Variants in MTHFD1 observed in about 807,000 individuals in gnomAD.
MTHFD1 encodes the protein C-1-tetrahydrofolate synthase, cytoplasmic.
A neutral mutation model predicts 110.3 loss-of-function variants in MTHFD1; 44 were observed. That is an observed-to-expected ratio of 0.40 (90% CI 0.31 to 0.51). The LOEUF (loss-of-function observed/expected upper bound fraction) is 0.51. Ranked by LOEUF, MTHFD1 falls within the 20% of genes least tolerant of loss-of-function variation. MTHFD1 has a pLI of 0.60. For missense variants in MTHFD1, 909 were observed against 1,173.1 expected, an observed-to-expected ratio of 0.77 and a Z score of 3.29; for synonymous variants, 402 against 428.8, an observed-to-expected ratio of 0.94 and a Z score of 0.77.
intron 26 of MTHFD1, among the ~76,000 whole-genome samples, chr14:64,457,122 A>G (rs1255799627): frequency 6.6e-6 from 1 of 152,256 alleles, no homozygotes; most frequent in Non-Finnish European, 1.5e-5. Flanking sequence ...AATGGTGATT[A>G]TAAAACCATC....
At chr14:64,413,683 A>T (rs560734660) in intron 4 of MTHFD1, among the ~76,000 whole-genome samples, 1 of 152,320 alleles carries the variant, frequency 6.6e-6, no homozygotes, top group African/African-American at 2.4e-5. Context: ...AGTAGCTGCT[A>T]TTGTATTGTA....
chr14:64,449,496 T>C lies in MTHFD1; in HGVS notation c.2331T>C (p.His777=), dbSNP rs1429898732. ...TCATCAGCCGCCTTTCCAGAGAACA[T>C]GGGGCTTTTGATGCCGTGAAGTGCA... is the stretch of plus-strand genomic sequence containing the variant. ...LDLISRLSRE[H]GAFDAVKCTH... Residue 777 remains histidine, a synonymous_variant, in exon 24 of 28, where the codon CAT becomes CAC. Transcript: ENST00000652337. 1.9e-6 allele frequency: 3 copies of C among 1,613,992 alleles called. No homozygotes were observed. The African/African-American group carries it at 4.0e-5, about 22-fold the overall frequency.
intron 8 of MTHFD1, among the ~76,000 whole-genome samples, chr14:64,421,978 A>AT (rs902548318): frequency 0.012 from 1,859 of 148,870 alleles, 38 homozygotes; most frequent in African/African-American, 0.042. Flanking sequence ...TGCTTTTGGC[A>AT]TTTTTTTTTT....
Position 64,454,824 on chromosome 14 carries a change from C to T in MTHFD1, c.2667C>T (p.Arg889=), listed in dbSNP as rs763646367. ...CTACAGGCTTCATTCTGCCCATTCG[C>T]GACATCCGCGCCAGCGTTGGGGCTG... The part of the protein sequence containing the change: ...GVPTGFILPI[R]DIRASVGAGF... The change falls in exon 26 of 28, where the codon CGC becomes CGT. Residue 889 remains arginine (R), a synonymous_variant. Coordinates refer to ENST00000652337, the MANE Select transcript of MTHFD1 (RefSeq NM_005956.4). The T allele has an allele frequency of 9.3e-6, 15 of 1,614,058 alleles. No homozygotes were observed. The highest frequency in any genetic ancestry group is 1.6e-4 in the Middle Eastern group (1 of 6,084).
At chr14:64,408,285 CTTTTTTT>C (rs1555336630) in intron 2 of MTHFD1, among the ~76,000 whole-genome samples, 1 of 121,208 alleles carries the variant, frequency 8.3e-6, no homozygotes, top group African/African-American at 3.3e-5. Flanking sequence ...AATCAGCATT[CTTTTTTT>C]TTTTTTTTTT....
At position 64,458,280 on chromosome 14, in the gene MTHFD1, G is replaced by C; in HGVS notation, c.2785G>C (p.Glu929Gln). Residue 929 changes from glutamate (E) to glutamine (Q), a missense_variant, in exon 27 of 28, where the codon GAA (glutamate) becomes CAA (glutamine). By Grantham distance (29) the Glu-to-Gln change is conservative (BLOSUM62 2). Coordinates refer to ENST00000652337, the MANE Select transcript of MTHFD1 (RefSeq NM_005956.4). Reference sequence around the variant, plus strand: ...TGATATTGATTTGGACCCTGAAACAGAACAGGTGAATGGATTATTCTAAAC... The same window carrying C: ...TGATATTGATTTGGACCCTGAAACACAACAGGTGAATGGATTATTCTAAAC... Reference protein sequence around the residue: ...FYDIDLDPETEQVNGLF With the variant: ...FYDIDLDPETQQVNGLF 12 of 1,613,526 alleles carry C rather than the reference G, an allele frequency of 7.4e-6. No individual in the cohort carries two copies. Among genetic ancestry groups the C allele is most frequent in the Non-Finnish European group, 9.3e-6 (11 of 1,179,486 alleles).
intron 23 of MTHFD1, 29 bp from the exon 24 acceptor site, chr14:64,449,416 T>C: frequency 6.2e-7 from 1 of 1,611,118 alleles, no homozygotes. Context: ...CCATTTTCCA[T>C]GCTTTGATAT....
intron 9 of MTHFD1, among the ~76,000 whole-genome samples, chr14:64,425,507 G>A (rs767062198): frequency 4.6e-5 from 7 of 152,078 alleles, no homozygotes; most frequent in Non-Finnish European, 8.8e-5. Flanking sequence ...CACCGTGCCC[G>A]GCCTGTTTTC....
At position 64,449,642 on chromosome 14, in the gene MTHFD1, CA is replaced by C; in HGVS notation, c.2457+27del. The C allele has an allele frequency of 6.2e-7, 1 of 1,612,554 alleles. No individual in the cohort carries two copies. Among genetic ancestry groups the C allele is most frequent in the Non-Finnish European group, 8.5e-7 (1 of 1,179,614 alleles). ...CTCAAGGTGGGTGATTTGCTGTCTG[CA>C]AAAAAAGAAAAAAGACGAAAAGGGC... On this transcript the variant is annotated intron_variant, in intron 24 of 27. Transcript: ENST00000652337.
In MTHFD1 at chr14:64,444,678, T is replaced by G. The variant is rs1295968921; in HGVS notation, c.2137-15T>G. 4 of 1,614,106 alleles carry G rather than the reference T, an allele frequency of 2.5e-6. No individual in the cohort carries two copies. In the Admixed American group the frequency reaches 6.7e-5, roughly 27 times the overall value. On this transcript the variant is annotated splice_polypyrimidine_tract_variant and intron_variant, in intron 21 of 27. Transcript: ENST00000652337. ...AAATAGGAAATGCCTCTGACTCTGT[T>G]TCTTTTCCTTCCAGGTCACTGCTGG...
At chr14:64,409,081 G>A (rs1467806744) in intron 2 of MTHFD1, among the ~76,000 whole-genome samples, 1 of 152,174 alleles carries the variant, frequency 6.6e-6, no homozygotes, top group Non-Finnish European at 1.5e-5. Context: ...GGAACTGGTT[G>A]TAGTTTTAGT....
chr14:64,398,162 T>G (rs1294302767), intron 1 of MTHFD1, among the ~76,000 whole-genome samples: 2 of 25,276 alleles, frequency 7.9e-5, no homozygotes, highest in African/African-American at 2.6e-4. Context: ...CCAATCCCAG[T>G]TAAAAAAAAA....
Position 64,427,152 on chromosome 14 carries a change from C to T in MTHFD1, c.1128-185C>T, listed in dbSNP as rs188720021. Among the ~76,000 whole-genome samples the T allele has an allele frequency of 5.1e-3, 780 of 151,674 alleles. 7 individuals are homozygous for T. The highest frequency in any genetic ancestry group is 6.3e-3 in the Non-Finnish European group (429 of 67,836). On this transcript the variant is annotated intron_variant, in intron 11 of 27. Transcript: ENST00000652337. ...CTTACTGTAGCCTGGAACTCCTGGG[C>T]TCAAGTGATCCTCTTGCCTCAGCCT...
intron 1 of MTHFD1, among the ~76,000 whole-genome samples, chr14:64,393,424 A>G (rs2077822141): frequency 6.6e-6 from 1 of 152,162 alleles, no homozygotes; most frequent in South Asian, 2.1e-4. Flanking sequence ...AAAAAAAAAA[A>G]AAATTTGCCT....
rs765314571 is a variant in MTHFD1, at chr14:64,389,710, G to GA, written c.41+1255dup. ...GCAACAAGAGCGAAACTCCGTCTAA[G>GA]AAAAAAAAAAAAAGAAATCACAATA... On this transcript the variant is annotated intron_variant, in intron 1 of 27. Coordinates refer to ENST00000652337, the MANE Select transcript of MTHFD1 (RefSeq NM_005956.4). Among the ~76,000 whole-genome samples, 165 of 135,516 alleles carry GA rather than the reference G, an allele frequency of 1.2e-3. 1 individual carries two copies. Among genetic ancestry groups the GA allele is most frequent in the South Asian group, 1.6e-3 (7 of 4,278 alleles). 88.9% of individuals were successfully genotyped at this position (135,516 alleles called of 152,430 possible).
chr14:64,396,384 T>G (rs1042198660), intron 1 of MTHFD1, among the ~76,000 whole-genome samples: 1 of 135,296 alleles, frequency 7.4e-6, no homozygotes, highest in Non-Finnish European at 1.5e-5. Flanking sequence ...AAAAATTTTT[T>G]GAAGGTTTTT....
chr14:64,439,236 T>C, intron 17 of MTHFD1, 64 bp downstream of exon 17: 1 of 1,162,202 alleles, frequency 8.6e-7, no homozygotes, highest in Non-Finnish European at 1.3e-6. Flanking sequence ...GCTTCTCTCC[T>C]CCTCCATCCT....
At chr14:64,391,765 T>A (rs2140939465) in intron 1 of MTHFD1, among the ~76,000 whole-genome samples, 1 of 152,266 alleles carries the variant, frequency 6.6e-6, no homozygotes, top group African/African-American at 2.4e-5. Context: ...CGGGGGAAGG[T>A]CTGAGAGTTA....
intron 6 of MTHFD1, among the ~76,000 whole-genome samples, chr14:64,416,795 G>A (rs2078029588): frequency 6.6e-6 from 1 of 152,098 alleles, no homozygotes; most frequent in African/African-American, 2.4e-5. Context: ...AATCCCACGA[G>A]GACAGCACCT....
Sources: gnomAD v4.1 joint callset for allele counts (sites outside exome capture counted in the v4.1 genomes callset) on GRCh38, gnomAD v4.1.1 for gene constraint, MANE v1.5 for transcripts, NCBI Gene and HGNC (gene_info 2026-07-23, HGNC 2026-07-21) for gene names.